The following SLC2A13 variants were observed in gnomAD, a reference collection of about 807,000 sequenced individuals.
SLC2A13 encodes solute carrier family 2 member 13.
In SLC2A13, 32 loss-of-function variants were observed where a neutral mutation model predicts 64.4. The observed-to-expected ratio is 0.50, with a 90% CI of 0.37 to 0.67. The LOEUF is 0.67. Ranked by LOEUF, SLC2A13 falls within the 30% of genes least tolerant of loss-of-function variation. The pLI, the probability that SLC2A13 is intolerant of heterozygous loss-of-function variation, is 0.00. For missense variants in SLC2A13, 743 were observed against 829.2 expected, an observed-to-expected ratio of 0.90 and a Z score of 1.28; for synonymous variants, 338 against 327.1, an observed-to-expected ratio of 1.03 and a Z score of -0.36.
intron 6 of SLC2A13, among the ~76,000 whole-genome samples, chr12:39,834,854 A>G (rs1340207918): frequency 6.6e-6 from 1 of 152,066 alleles, no homozygotes; most frequent in Non-Finnish European, 1.5e-5. Context: ...GACATTTAGA[A>G]GGTGGCACAA....
intron 7 of SLC2A13, among the ~76,000 whole-genome samples, chr12:39,779,363 C>T (rs1592129650): frequency 6.6e-6 from 1 of 152,184 alleles, no homozygotes; most frequent in Non-Finnish European, 1.5e-5. Context: ...TGTTTTTCTA[C>T]ACTTAAGCCT....
intron 7 of SLC2A13, among the ~76,000 whole-genome samples, chr12:39,810,409 T>C (rs952427173): frequency 2.0e-5 from 3 of 152,318 alleles, no homozygotes; most frequent in Admixed American, 2.0e-4. Flanking sequence ...TTTATTCTCA[T>C]AGCATTTTAT....
intron 1 of SLC2A13, among the ~76,000 whole-genome samples, chr12:40,073,362 T>C (rs1166755699): frequency 6.6e-6 from 1 of 152,140 alleles, no homozygotes; most frequent in African/African-American, 2.4e-5. Context: ...ACAAACCATG[T>C]ATATATGTGC....
chr12:39,875,746 A>G (rs1944166583), intron 4 of SLC2A13, among the ~76,000 whole-genome samples: 1 of 152,232 alleles, frequency 6.6e-6, no homozygotes, highest in African/African-American at 2.4e-5. Flanking sequence ...ACTTAATTTT[A>G]AAAGTCAGGT....
At chr12:39,819,455 C>T (rs761917753) in intron 7 of SLC2A13, among the ~76,000 whole-genome samples, 3 of 152,098 alleles carry the variant, frequency 2.0e-5, no homozygotes, top group Non-Finnish European at 4.4e-5. Flanking sequence ...TAGTTTACTA[C>T]AAACTTTTAT....
intron 4 of SLC2A13, among the ~76,000 whole-genome samples, chr12:39,922,729 G>C (rs939240424): frequency 6.6e-6 from 1 of 152,070 alleles, no homozygotes; most frequent in Non-Finnish European, 1.5e-5. Flanking sequence ...ATTTTACATT[G>C]CCAAACTTTT....
chr12:39,864,908 G>A (rs377431573), intron 5 of SLC2A13, 26 bp from the exon 6 acceptor site: 2 of 1,592,706 alleles, frequency 1.3e-6, no homozygotes, highest in East Asian at 4.5e-5. Context: ...TTTTATATTA[G>A]AGAAGAGTTG....
At chr12:40,064,678 G>C (rs1389332323) in intron 1 of SLC2A13, among the ~76,000 whole-genome samples, 1 of 152,084 alleles carries the variant, frequency 6.6e-6, no homozygotes, top group Non-Finnish European at 1.5e-5. Context: ...ATAACAAATA[G>C]AGCAAAATAT....
At chr12:40,017,441 T>A (rs1947638278) in intron 3 of SLC2A13, among the ~76,000 whole-genome samples, 1 of 152,236 alleles carries the variant, frequency 6.6e-6, no homozygotes, top group Non-Finnish European at 1.5e-5. Flanking sequence ...CCCTCTTCTT[T>A]AAGGATTTCC....
chr12:40,094,853 AG>A (rs1938885079), intron 1 of SLC2A13, among the ~76,000 whole-genome samples: 1 of 152,246 alleles, frequency 6.6e-6, no homozygotes, highest in Non-Finnish European at 1.5e-5. Context: ...CAAAAGAGAA[AG>A]AGCTGGAATG....
intron 1 of SLC2A13, among the ~76,000 whole-genome samples, chr12:40,080,228 G>T (rs1292532538): frequency 6.6e-6 from 1 of 152,096 alleles, no homozygotes; most frequent in Non-Finnish European, 1.5e-5. Context: ...AGCAACTCTT[G>T]CTCTGTTTGC....
intron 3 of SLC2A13, among the ~76,000 whole-genome samples, chr12:39,986,232 G>T (rs575765377): frequency 6.6e-6 from 1 of 152,154 alleles, no homozygotes; most frequent in East Asian, 1.9e-4. Flanking sequence ...CCTAACCTTG[G>T]GGTTAGGATT....
At chr12:40,050,224 G>A (rs1948233168) in intron 1 of SLC2A13, among the ~76,000 whole-genome samples, 1 of 152,074 alleles carries the variant, frequency 6.6e-6, no homozygotes, top group South Asian at 2.1e-4. Flanking sequence ...TTCTTTTTCT[G>A]CTATGGTCTG....
rs1566880478 is a variant in SLC2A13 at position 39,864,806 on chromosome 12, C to T, written c.1275G>A (p.Lys425=). The T allele has an allele frequency of 6.2e-7, 1 of 1,613,732 alleles. No individual in the cohort carries two copies. Among genetic ancestry groups the T allele is most frequent in the Non-Finnish European group, 8.5e-7 (1 of 1,179,930 alleles). Reference sequence around the variant, plus strand: ...CGTTCTGACCTGACGGAGCTATTGGCTTAAAAGTGATGCGTGGGGAAACTT... The same window carrying T: ...CGTTCTGACCTGACGGAGCTATTGGTTTAAAAGTGATGCGTGGGGAAACTT... ...SAQVSPRITF[K]PIAPSGQNAT... The change falls in exon 6 of 10, where the codon AAG becomes AAA. Residue 425 remains lysine (K), a synonymous_variant. Coordinates refer to ENST00000280871, the MANE Select transcript of SLC2A13 (RefSeq NM_052885.4).
rs59875265 is a variant in SLC2A13 at position 40,068,764 on chromosome 12, C to CAA, written c.557-20556_557-20555dup. On this transcript the variant is annotated intron_variant, in intron 1 of 9. Coordinates refer to ENST00000280871, the MANE Select transcript of SLC2A13 (RefSeq NM_052885.4). ...ATAAATTTAAAAATAACATACTCTA[C>CAA]AAAAAAAAAAAATCATAGACACAGC... Among the ~76,000 whole-genome samples the CAA allele has an allele frequency of 9.1e-5, 12 of 132,238 alleles. 1 individual carries two copies. The highest frequency in any genetic ancestry group is 2.5e-4 in the African/African-American group (9 of 36,276). The allele number at this position is 132,238 out of a possible 152,430, so 86.8% of individuals were successfully genotyped here.
At chr12:39,925,646 G>A (rs1945713986) in intron 4 of SLC2A13, among the ~76,000 whole-genome samples, 1 of 151,908 alleles carries the variant, frequency 6.6e-6, no homozygotes, top group African/African-American at 2.4e-5. Context: ...TTTTTTAATG[G>A]CTAAATCTTT....
intron 3 of SLC2A13, among the ~76,000 whole-genome samples, chr12:39,968,705 G>A (rs1946574226): frequency 7.0e-6 from 1 of 143,404 alleles, no homozygotes. Context: ...TCCCATTACT[G>A]ACACTTTACT....
chr12:40,052,691 C>A (rs181862601), intron 1 of SLC2A13, among the ~76,000 whole-genome samples: 103 of 152,210 alleles, frequency 6.8e-4, no homozygotes, highest in Middle Eastern at 6.8e-3. Context: ...TATATTTCTT[C>A]AAATGCAACA....
At chr12:39,948,613 A>G (rs763143659) in intron 4 of SLC2A13, among the ~76,000 whole-genome samples, 7 of 152,158 alleles carry the variant, frequency 4.6e-5, no homozygotes, top group African/African-American at 7.2e-5. Context: ...GGTGAGAAAT[A>G]GAATTCAAAA....
Sources: gnomAD v4.1 joint callset for allele counts (sites outside exome capture counted in the v4.1 genomes callset) on GRCh38, gnomAD v4.1.1 for gene constraint, MANE v1.5 for transcripts, NCBI Gene and HGNC (gene_info 2026-07-23, HGNC 2026-07-21) for gene names.